The following MAN2A2 variants were observed in gnomAD, a reference collection of about 807,000 sequenced individuals.
MAN2A2 encodes mannosidase alpha class 2A member 2.
MAN2A2 carries 79 observed loss-of-function variants against 126.8 expected under a neutral mutation model. That is an observed-to-expected ratio of 0.62 (90% CI 0.52 to 0.75). MAN2A2 has a LOEUF of 0.75. Ranked by LOEUF, MAN2A2 falls within the 30% of genes least tolerant of loss-of-function variation. MAN2A2 has a pLI of 0.00. For synonymous variants in MAN2A2, 671 were observed against 618.7 expected (o/e 1.08, Z -1.25); for missense variants, 1,392 against 1,522.4 (o/e 0.91, Z 1.43).
At chr15:90,912,812 G>A (rs2034862586) in intron 16 of MAN2A2, 65 bp from the exon 17 acceptor site, 2 of 1,558,180 alleles carry the variant, frequency 1.3e-6, no homozygotes, top group Non-Finnish European at 1.8e-6. Flanking sequence ...GCCCAGCCCT[G>A]GGCTGGCACC....
rs561354992 is a variant in MAN2A2, at chr15:90,913,695, G to T, written c.2800G>T (p.Ala934Ser). 1.9e-6 allele frequency: 3 copies of T among 1,607,580 alleles called. No homozygotes were observed. The South Asian group carries it at 3.3e-5, about 18-fold the overall frequency. Residue 934 changes from alanine (A) to serine (S), a missense_variant, in exon 19 of 23, where the codon GCA (alanine) becomes TCA (serine). Coordinates refer to ENST00000559717, the MANE Select transcript of MAN2A2 (RefSeq NM_006122.4). ...PMPVMAYIQDAQKRLTLHTAQ... is the reference protein window; with the variant it reads ...PMPVMAYIQDSQKRLTLHTAQ... Reference sequence around the variant, plus strand: ...GCCAGTCATGGCCTATATCCAGGACGCACAGAAGCGCCTCACGCTGCACAC... The same window carrying T: ...GCCAGTCATGGCCTATATCCAGGACTCACAGAAGCGCCTCACGCTGCACAC...
Position 90,921,473 on chromosome 15 carries a change from C to T in MAN2A2, c.*1686C>T, listed in dbSNP as rs2035540276. ...GAGGATTCTCACGCCACCATTACCT[C>T]ACTCAGTGTGACCTGGAGGGGGTCA... On this transcript the variant is annotated 3_prime_UTR_variant, in exon 23 of 23. Transcript: ENST00000559717. 6.6e-6 allele frequency: 1 copy of T among 152,346 alleles called. No homozygotes were observed. The highest frequency in any genetic ancestry group is 1.5e-5 in the Non-Finnish European group (1 of 68,154). The allele number at this position is 152,346 out of a possible 1,614,324, so 9.4% of individuals were successfully genotyped here.
chr15:90,916,288 G>C lies in MAN2A2; in HGVS notation c.2994+32G>C, dbSNP rs989559261. 5.0e-6 allele frequency: 8 copies of C among 1,607,622 alleles called. No homozygotes were observed. The Admixed American group carries it at 6.7e-5, about 13-fold the overall frequency. On this transcript the variant is annotated intron_variant, in intron 20 of 22. Coordinates refer to ENST00000559717, the MANE Select transcript of MAN2A2 (RefSeq NM_006122.4). ...TCTGGGGCTGACGCCCAGGGAGCCA[G>C]GTCTGGCTAGTCCCTGGGGGTGGCC...
Position 90,905,597 on chromosome 15 carries a change from G to A in MAN2A2, c.409G>A (p.Glu137Lys). Reference protein sequence around the residue: ...PELQMLTVSEELPFDNVDGGV... With the variant: ...PELQMLTVSEKLPFDNVDGGV... ...CTGGCAGATGCTCACTGTGTCGGAG[G>A]AGCTGCCGTTTGACAACGTGGATGG... Residue 137 changes from glutamate (E) to lysine (K), a missense_variant, in exon 4 of 23, where the codon GAG becomes AAG. Transcript: ENST00000559717. 1 of 1,614,208 alleles carries A rather than the reference G, an allele frequency of 6.2e-7. No homozygotes were observed. The highest frequency in any genetic ancestry group is 1.1e-5 in the South Asian group (1 of 91,084).
At chr15:90,903,896 C>A in intron 1 of MAN2A2, 1 of 429,102 alleles carries the variant, frequency 2.3e-6, no homozygotes. Context: ...CCTATCTAGG[C>A]AGGGAAGCTG....
chr15:90,911,471 C>T lies in MAN2A2; in HGVS notation c.2030C>T (p.Ser677Leu), dbSNP rs770634010. 9.4e-5 allele frequency: 152 copies of T among 1,614,098 alleles called. 1 individual carries two copies. The highest frequency in any genetic ancestry group is 3.3e-4 in the Middle Eastern group (2 of 6,084). The change falls in exon 14 of 23, where the codon TCG (serine) becomes TTG (leucine). Residue 677 changes from serine to leucine, a missense_variant. By Grantham distance (145) the Ser-to-Leu change is moderately radical. Coordinates refer to ENST00000559717, the MANE Select transcript of MAN2A2 (RefSeq NM_006122.4). ...LVNSPRVRVL[S>L]EEGQPLAVQI... is the part of the protein sequence containing the mutation. Reference sequence around the variant, plus strand: ...AACTCTCCCCGCGTGCGTGTCCTTTCGGAGGAGGGTCAGCCCCTGGCCGTG... The same window carrying T: ...AACTCTCCCCGCGTGCGTGTCCTTTTGGAGGAGGGTCAGCCCCTGGCCGTG...
Position 90,918,067 on chromosome 15 carries a change from C to T in MAN2A2, c.2995-127C>T, listed in dbSNP as rs2035322610. On this transcript the variant is annotated intron_variant, in intron 20 of 22. Coordinates refer to ENST00000559717, the MANE Select transcript of MAN2A2 (RefSeq NM_006122.4). ...AACCTCGCCTGGAGCCAGGCGTGCC[C>T]TTGAGTCCAGGCACACCAGGAAAGG... is the stretch of plus-strand genomic sequence containing the variant. 4.6e-6 allele frequency: 4 copies of T among 878,510 alleles called. No individual in the cohort carries two copies. In the East Asian group the frequency reaches 9.9e-5, roughly 22 times the overall value. The allele number at this position is 878,510 out of a possible 1,614,324, so 54.4% of individuals were successfully genotyped here.
At position 90,905,927 on chromosome 15, in the gene MAN2A2, C is replaced by A; in HGVS notation, c.618C>A (p.Asp206Glu). Reference sequence around the variant, plus strand: ...GCATGGTGTCTAAGCTGCAGGAGGACCCCCGGCGGCGCTTCCTCTGGGCAG... The same window carrying A: ...GCATGGTGTCTAAGCTGCAGGAGGAACCCCGGCGGCGCTTCCTCTGGGCAG... ...LNSMVSKLQE[D>E]PRRRFLWAEV... The change falls in exon 5 of 23, where the codon GAC becomes GAA. Residue 206 changes from aspartate to glutamate, a missense_variant. Coordinates refer to ENST00000559717, the MANE Select transcript of MAN2A2 (RefSeq NM_006122.4). 6.2e-7 allele frequency: 1 copy of A among 1,612,342 alleles called. No individual in the cohort carries two copies. Among genetic ancestry groups the A allele is most frequent in the Non-Finnish European group, 8.5e-7 (1 of 1,179,218 alleles).
intron 9 of MAN2A2, 120 bp from the exon 10 acceptor site, chr15:90,909,970 G>A: frequency 2.4e-6 from 2 of 836,052 alleles, no homozygotes; most frequent in East Asian, 4.9e-5. Context: ...TAGAATGGCA[G>A]GATGTACAGT....
intron 20 of MAN2A2, 110 bp from the exon 21 acceptor site, chr15:90,918,084 C>A: frequency 9.5e-7 from 1 of 1,055,714 alleles, no homozygotes; most frequent in Non-Finnish European, 1.4e-6. Flanking sequence ...CCAGGCACAC[C>A]AGGAAAGGTC....
At chr15:90,907,277 C>G in intron 7 of MAN2A2, 32 bp from the exon 8 acceptor site, 11 of 1,601,804 alleles carry the variant, frequency 6.9e-6, no homozygotes, top group Non-Finnish European at 9.4e-6. Context: ...AGGCTGCCTG[C>G]TGGTGGTGAC....
rs1238086752 is a variant in MAN2A2 at position 90,910,292 on chromosome 15, G to A, written c.1577G>A (p.Arg526Gln). The change falls in exon 10 of 23, where the codon CGG becomes CAG. Residue 526 changes from arginine (R) to glutamine (Q), a missense_variant and splice_region_variant. Transcript: ENST00000559717. ...GACCGAGTCCTGGAAGCCCACCTGC[G>A]GTGAGACCCTGTCCCCGCTTCCAGG... is the stretch of plus-strand genomic sequence containing the variant. Reference protein sequence around the residue: ...SLDRVLEAHLRGAEVLYSLAA... With the variant: ...SLDRVLEAHLQGAEVLYSLAA... The A allele has an allele frequency of 4.3e-6, 7 of 1,613,818 alleles. No homozygotes were observed. Among genetic ancestry groups the A allele is most frequent in the African/African-American group, 1.3e-5 (1 of 74,916 alleles).
At chr15:90,903,881 C>T in intron 1 of MAN2A2, 3 of 409,744 alleles carry the variant, frequency 7.3e-6, no homozygotes, top group East Asian at 5.7e-5. Flanking sequence ...CCTGAACAGG[C>T]ACCTCCTATC....
Position 90,910,115 on chromosome 15 carries a change from A to G in MAN2A2, c.1400A>G (p.Tyr467Cys), listed in dbSNP as rs765892976. The part of the protein sequence containing the change: ...VQAQFGTLSD[Y>C]FDALYKRTGV... ...GCCCAGTTTGGCACTCTTTCTGACT[A>G]TTTTGATGCCCTGTACAAGAGGACA... The change falls in exon 10 of 23, where the codon TAT (tyrosine) becomes TGT (cysteine). Residue 467 changes from tyrosine to cysteine, a missense_variant. Physicochemically the swap from Tyr to Cys is radical, Grantham distance 194. Transcript: ENST00000559717. 35 of 1,613,152 alleles carry G rather than the reference A, an allele frequency of 2.2e-5. No individual in the cohort carries two copies. Among genetic ancestry groups the G allele is most frequent in the African/African-American group, 2.7e-5 (2 of 74,814 alleles).
In MAN2A2 at chr15:90,905,137, G is replaced by A. The variant is rs1298623789; in HGVS notation, c.133-114G>A. 6.0e-6 allele frequency: 7 copies of A among 1,172,214 alleles called. No individual in the cohort carries two copies. In the Admixed American group the frequency reaches 9.5e-5, roughly 16 times the overall value. 72.6% of individuals were successfully genotyped at this position (1,172,214 alleles called of 1,614,324 possible). ...ATCTATCCCTCTAGGCTCATGGTCT[G>A]GCTTTGACTGATGAGGGAAGAATTG... On this transcript the variant is annotated intron_variant, in intron 2 of 22. Coordinates refer to ENST00000559717, the MANE Select transcript of MAN2A2 (RefSeq NM_006122.4).
rs1173430808 is a variant in MAN2A2 at position 90,919,794 on chromosome 15, T to C, written c.*7T>C. On this transcript the variant is annotated 3_prime_UTR_variant, in exon 23 of 23. Coordinates refer to ENST00000559717, the MANE Select transcript of MAN2A2 (RefSeq NM_006122.4). ...TCGCCTCCGCTTGGGTTAGGGCTTC[T>C]TGTGGCCTGAAGAGAAAGTTCATTC... 3 of 1,614,038 alleles carry C rather than the reference T, an allele frequency of 1.9e-6. No homozygotes were observed. Among genetic ancestry groups the C allele is most frequent in the Admixed American group, 3.3e-5 (2 of 60,008 alleles).
chr15:90,918,469 G>C (rs2035354771), intron 21 of MAN2A2, 81 bp downstream of exon 21: 1 of 1,492,540 alleles, frequency 6.7e-7, no homozygotes, highest in South Asian at 1.2e-5. Flanking sequence ...TTAGCCTCCA[G>C]GATGAGGTCC....
At chr15:90,914,627 C>T (rs1214412596) in intron 19 of MAN2A2, among the ~76,000 whole-genome samples, 2 of 152,160 alleles carry the variant, frequency 1.3e-5, no homozygotes, top group African/African-American at 4.8e-5. Context: ...TGAAGCGATT[C>T]TCTTGCTTCA....
Position 90,918,402 on chromosome 15 carries a change from AGC to A in MAN2A2, c.3189+16_3189+17del. The A allele has an allele frequency of 6.2e-7, 1 of 1,610,242 alleles. No individual in the cohort carries two copies. On this transcript the variant is annotated intron_variant, in intron 21 of 22. Coordinates refer to ENST00000559717, the MANE Select transcript of MAN2A2 (RefSeq NM_006122.4). Reference sequence around the variant, plus strand: ...CTCCAGGCTGAGGTGAGTGTCCCTCAGCGTGACATGCTGAGAGCAGAGTTCTG... The same window carrying A: ...CTCCAGGCTGAGGTGAGTGTCCCTCAGTGACATGCTGAGAGCAGAGTTCTG...
Sources: allele counts gnomAD v4.1 joint callset (sites outside exome capture counted in the v4.1 genomes callset), GRCh38; gene constraint gnomAD v4.1.1; transcripts MANE v1.5; gene names NCBI Gene and HGNC (gene_info 2026-07-23, HGNC 2026-07-21).